PLXNA4: variants seen among roughly 807,000 people sequenced by gnomAD.
PLXNA4 encodes plexin-A4.
In PLXNA4, 44 loss-of-function variants were observed where a neutral mutation model predicts 191.8. The observed-to-expected ratio is 0.23, with a 90% CI of 0.18 to 0.29. The LOEUF (loss-of-function observed/expected upper bound fraction) is 0.29. Among genes scored for constraint, PLXNA4 ranks in the 10% least tolerant of loss-of-function variants. The pLI, the probability that PLXNA4 is intolerant of heterozygous loss-of-function variation, is 1.00. For synonymous variants in PLXNA4, 1,082 were observed against 1,009.5 expected, an observed-to-expected ratio of 1.07 and a Z score of -1.36; for missense variants, 1,800 against 2,488.8, an observed-to-expected ratio of 0.72 and a Z score of 5.89.
At chr7:132,330,993 T>G (rs1181565903) in intron 3 of PLXNA4, among the ~76,000 whole-genome samples, 3 of 152,186 alleles carry the variant, frequency 2.0e-5, no homozygotes, top group Non-Finnish European at 4.4e-5. Flanking sequence ...CCAGTCATTT[T>G]TCAAGGTTCA....
At chr7:132,353,989 G>A (rs759362538) in intron 3 of PLXNA4, among the ~76,000 whole-genome samples, 2 of 152,114 alleles carry the variant, frequency 1.3e-5, no homozygotes, top group East Asian at 1.9e-4. Context: ...TTCTTCTCCC[G>A]TCCAACCCCC....
At chr7:132,483,973 C>T (rs1309703148) in intron 3 of PLXNA4, among the ~76,000 whole-genome samples, 2 of 151,888 alleles carry the variant, frequency 1.3e-5, no homozygotes, top group African/African-American at 4.9e-5. Context: ...CACTTGAGAT[C>T]CCCCAGGGAT....
intron 5 of PLXNA4, among the ~76,000 whole-genome samples, chr7:132,237,805 T>A (rs1188892896): frequency 6.6e-6 from 1 of 152,236 alleles, no homozygotes; most frequent in Non-Finnish European, 1.5e-5. Context: ...TACGGAGTTA[T>A]CGTGGAATCT....
intron 14 of PLXNA4, among the ~76,000 whole-genome samples, chr7:132,192,923 A>G (rs529384493): frequency 4.1e-4 from 62 of 152,198 alleles, no homozygotes; most frequent in African/African-American, 1.5e-3. Context: ...CAGAAAGGCC[A>G]TGGGATGGGG....
chr7:132,294,432 G>T (rs556994903), intron 4 of PLXNA4, among the ~76,000 whole-genome samples: 1 of 152,332 alleles, frequency 6.6e-6, no homozygotes, highest in African/African-American at 2.4e-5. Flanking sequence ...GGCCCTGTGG[G>T]TCTTCATAGG....
chr7:132,149,212 T>C (rs1795523465), intron 25 of PLXNA4, among the ~76,000 whole-genome samples: 1 of 152,160 alleles, frequency 6.6e-6, no homozygotes, highest in African/African-American at 2.4e-5. Flanking sequence ...CTCACGCCCA[T>C]GAACATCCCA....
chr7:132,467,824 C>A (rs893656213), intron 3 of PLXNA4, among the ~76,000 whole-genome samples: 1 of 152,150 alleles, frequency 6.6e-6, no homozygotes, highest in Non-Finnish European at 1.5e-5. Flanking sequence ...AACAGACCAT[C>A]CCTGGATGGC....
At chr7:132,439,524 A>G (rs868371447) in intron 3 of PLXNA4, among the ~76,000 whole-genome samples, 1 of 151,890 alleles carries the variant, frequency 6.6e-6, no homozygotes, top group African/African-American at 2.4e-5. Context: ...ATACACATAC[A>G]ATGTGTATAT....
intron 19 of PLXNA4, among the ~76,000 whole-genome samples, chr7:132,180,264 G>A (rs1042176141): frequency 6.6e-6 from 1 of 152,170 alleles, no homozygotes; most frequent in African/African-American, 2.4e-5. Flanking sequence ...CTGAAGCACA[G>A]AACATGATAT....
intron 26 of PLXNA4, among the ~76,000 whole-genome samples, chr7:132,148,246 C>T (rs954182727): frequency 7.9e-5 from 12 of 152,140 alleles, no homozygotes; most frequent in Non-Finnish European, 1.6e-4. Flanking sequence ...ATTCTCAATC[C>T]CAGTGCTTCC....
intron 2 of PLXNA4, among the ~76,000 whole-genome samples, chr7:132,593,038 A>T (rs1334162016): frequency 6.6e-6 from 1 of 152,202 alleles, no homozygotes; most frequent in Non-Finnish European, 1.5e-5. Context: ...CAGTGACACA[A>T]ATGACAGGGT....
chr7:132,205,720 AGTGCTGGGG>A (rs1797594326), intron 10 of PLXNA4, among the ~76,000 whole-genome samples: 11 of 152,168 alleles, frequency 7.2e-5, no homozygotes, highest in Non-Finnish European at 2.9e-5. Flanking sequence ...ACCTAGAGGC[AGTGCTGGGG>A]CAGGCTGAGC....
intron 24 of PLXNA4, among the ~76,000 whole-genome samples, chr7:132,162,452 T>C (rs547591250): frequency 6.6e-6 from 1 of 152,298 alleles, no homozygotes; most frequent in Non-Finnish European, 1.5e-5. Flanking sequence ...TACTGTGGCC[T>C]CTGGAACAAA....
intron 3 of PLXNA4, among the ~76,000 whole-genome samples, chr7:132,386,755 T>A (rs184714107): frequency 6.6e-6 from 1 of 152,166 alleles, no homozygotes; most frequent in South Asian, 2.1e-4. Flanking sequence ...GGGACCTGGC[T>A]CGAGAGCCTC....
At chr7:132,587,640 C>T (rs1802527036) in intron 2 of PLXNA4, among the ~76,000 whole-genome samples, 2 of 152,024 alleles carry the variant, frequency 1.3e-5, no homozygotes, top group African/African-American at 4.8e-5. Flanking sequence ...GGGGTAATTC[C>T]TAGGGAAGAG....
At chr7:132,486,619 C>G (rs75857709) in intron 3 of PLXNA4, among the ~76,000 whole-genome samples, 4,537 of 152,348 alleles carry the variant, frequency 0.03, 87 homozygotes, top group Middle Eastern at 0.048. Context: ...CTCATTCCCC[C>G]CAACTGACCC....
chr7:132,402,418 GAA>G (rs1297252060), intron 3 of PLXNA4, among the ~76,000 whole-genome samples: 1 of 152,192 alleles, frequency 6.6e-6, no homozygotes, highest in Non-Finnish European at 1.5e-5. Context: ...TAAAGGTGGA[GAA>G]AGAGCTTTAA....
chr7:132,179,628 G>GCA, intron 20 of PLXNA4, 59 bp downstream of exon 20: 1 of 1,577,070 alleles, frequency 6.3e-7, no homozygotes, highest in Non-Finnish European at 8.7e-7. Flanking sequence ...AGATGTGCAT[G>GCA]CACACACATA....
chr7:132,563,216 T>TG, intron 1 of PLXNA4, among the ~76,000 whole-genome samples: 1 of 103,358 alleles, frequency 9.7e-6, no homozygotes, highest in African/African-American at 3.6e-5. Context: ...CTCCTCCTCC[T>TG]CCTTCTCCTC....
Sources: gnomAD v4.1 joint callset for allele counts (sites outside exome capture counted in the v4.1 genomes callset) on GRCh38, gnomAD v4.1.1 for gene constraint, MANE v1.5 for transcripts, NCBI Gene and HGNC (gene_info 2026-07-23, HGNC 2026-07-21) for gene names.